MSH6: variants seen among roughly 807,000 people sequenced by gnomAD.
MSH6 encodes the protein DNA mismatch repair protein Msh6.
Under a neutral mutation model 119.1 loss-of-function variants are expected in MSH6, and 85 were observed. The observed-to-expected ratio is 0.71, with a 90% CI of 0.60 to 0.85. The LOEUF (loss-of-function observed/expected upper bound fraction) is 0.85. Among genes scored for constraint, MSH6 ranks in the 40% least tolerant of loss-of-function variants. The pLI, the probability that MSH6 is intolerant of heterozygous loss-of-function variation, is 0.00. For synonymous variants in MSH6, 830 were observed against 586.9 expected (o/e 1.41, Z -5.99); for missense variants, 2,163 against 1,655.3 (o/e 1.31, Z -5.32).
intron 3 of MSH6, among the ~76,000 whole-genome samples, chr2:47,797,522 G>C (rs886569948): frequency 6.6e-6 from 1 of 152,234 alleles, no homozygotes; most frequent in Admixed American, 6.5e-5. Flanking sequence ...ACTAGAACCA[G>C]TATAAGTTGC....
intron 1 of MSH6, among the ~76,000 whole-genome samples, chr2:47,786,107 C>G (rs188284193): frequency 2.6e-5 from 4 of 152,232 alleles, no homozygotes; most frequent in Non-Finnish European, 5.9e-5. Context: ...AGGCTAGGCT[C>G]TCAGCTCTGT....
At chr2:47,805,782 A>G in intron 7 of MSH6, 75 bp downstream of exon 7, 1 of 1,149,562 alleles carries the variant, frequency 8.7e-7, no homozygotes, top group Non-Finnish European at 1.3e-6. Context: ...TTTATAGAAG[A>G]TTATCTGAAG....
downstream of MSH6, chr2:47,809,958 T>C: frequency 2.0e-6 from 1 of 501,968 alleles, no homozygotes; most frequent in Non-Finnish European, 3.5e-6. Flanking sequence ...GATACTTGGA[T>C]TTCATTTGCA....
At chr2:47,786,234 T>C (rs1668338092) in intron 1 of MSH6, among the ~76,000 whole-genome samples, 1 of 152,008 alleles carries the variant, frequency 6.6e-6, no homozygotes, top group South Asian at 2.1e-4. Flanking sequence ...GGAGGGAGCA[T>C]TGGAGAAGTT....
chr2:47,789,395 G>A, intron 1 of MSH6: 1 of 455,984 alleles, frequency 2.2e-6, no homozygotes, highest in Non-Finnish European at 4.5e-6. Context: ...GTTGGATCCA[G>A]CTTTTCACAC....
intron 2 of MSH6, among the ~76,000 whole-genome samples, chr2:47,795,436 G>A (rs1026110659): frequency 6.7e-6 from 1 of 150,208 alleles, no homozygotes; most frequent in African/African-American, 2.4e-5. Flanking sequence ...GTGTGTGTGT[G>A]TGTGTGTGTG....
At chr2:47,785,115 C>T (rs1263328917) in intron 1 of MSH6, 1 of 152,080 alleles carries the variant, frequency 6.6e-6, no homozygotes, top group Admixed American at 6.6e-5. Flanking sequence ...AACCACCGAG[C>T]CCGGCCGTTT....
chr2:47,801,791 G>T (rs556690583), intron 4 of MSH6, among the ~76,000 whole-genome samples: 1 of 152,078 alleles, frequency 6.6e-6, no homozygotes, highest in African/African-American at 2.4e-5. Context: ...GGTAAGCACC[G>T]GCGTGCCCTG....
chr2:47,803,698 TAA>T lies in MSH6; in HGVS notation c.3438+15_3438+16del, dbSNP rs1396782652. The T allele has an allele frequency of 1.2e-6, 2 of 1,613,688 alleles. No individual in the cohort carries two copies. Among genetic ancestry groups the T allele is most frequent in the Non-Finnish European group, 1.7e-6 (2 of 1,179,918 alleles). On this transcript the variant is annotated intron_variant, in intron 5 of 9. Transcript: ENST00000234420. ...GCTTATGAGACAGGTAACTGATTCT[TAA>T]AGTTTTGTTATCAGAAAGTCATTTG...
chr2:47,793,748 T>A (rs561124792), intron 2 of MSH6, among the ~76,000 whole-genome samples: 2 of 152,020 alleles, frequency 1.3e-5, no homozygotes, highest in East Asian at 3.9e-4. Context: ...TTTTTTTTTT[T>A]GCAGCGGAGT....
At chr2:47,786,534 A>G (rs948420178) in intron 1 of MSH6, among the ~76,000 whole-genome samples, 3 of 151,518 alleles carry the variant, frequency 2.0e-5, no homozygotes, top group African/African-American at 7.3e-5. Flanking sequence ...GGGTTTCACC[A>G]TGTTGGTCAG....
rs752540976 is a variant in MSH6, at chr2:47,798,826, A to AAC, written c.843_844insAC (p.Val282ThrfsTer10). 6.2e-7 allele frequency: 1 copy of AAC among 1,614,142 alleles called. No individual in the cohort carries two copies. Among genetic ancestry groups the AAC allele is most frequent in the Non-Finnish European group, 8.5e-7 (1 of 1,180,028 alleles). On this transcript the variant is annotated frameshift_variant, in exon 4 of 10. Transcript: ENST00000234420. LOFTEE classifies it high-confidence loss of function. ...GAAGCAGTGATGAAATAAGCAGTGG[A>AAC]GTGGGGGATAGTGAGAGTGAAGGCC...
At chr2:47,792,313 C>T (rs1329141406) in intron 2 of MSH6, among the ~76,000 whole-genome samples, 1 of 151,932 alleles carries the variant, frequency 6.6e-6, no homozygotes, top group Non-Finnish European at 1.5e-5. Flanking sequence ...GGTCAGTTTC[C>T]CAGGTAACTG....
At position 47,800,372 on chromosome 2, in the gene MSH6, G is replaced by A. The variant is rs2104404139; in HGVS notation, c.2389G>A (p.Asp797Asn). ...AINDRLDAIEDLMVVPDKISE... is the reference protein window; with the variant it reads ...AINDRLDAIENLMVVPDKISE... Reference sequence around the variant, plus strand: ...TAATGATCGTCTAGATGCCATAGAAGACCTCATGGTTGTGCCTGACAAAAT... The same window carrying A: ...TAATGATCGTCTAGATGCCATAGAAAACCTCATGGTTGTGCCTGACAAAAT... The change falls in exon 4 of 10, where the codon GAC (aspartate) becomes AAC (asparagine). Residue 797 changes from aspartate (D) to asparagine (N), a missense_variant. Coordinates refer to ENST00000234420, the MANE Select transcript of MSH6 (RefSeq NM_000179.3). 1 of 1,614,050 alleles carries A rather than the reference G, an allele frequency of 6.2e-7. No homozygotes were observed. Among genetic ancestry groups the A allele is most frequent in the Non-Finnish European group, 8.5e-7 (1 of 1,180,024 alleles).
Position 47,799,778 on chromosome 2 carries a change from G to A in MSH6, c.1795G>A (p.Gly599Arg), listed in dbSNP as rs756043669. The change falls in exon 4 of 10, where the codon GGA becomes AGA. Residue 599 changes from glycine (G) to arginine (R), a missense_variant. Coordinates refer to ENST00000234420, the MANE Select transcript of MSH6 (RefSeq NM_000179.3). ...CCCAGTACAAGTTTTATTTGAAAAA[G>A]GAAATCTCTCAAAGGAAACTAAAAC... ...YPPVQVLFEK[G>R]NLSKETKTIL... 1 of 1,614,124 alleles carries A rather than the reference G, an allele frequency of 6.2e-7. No individual in the cohort carries two copies. Among genetic ancestry groups the A allele is most frequent in the South Asian group, 1.1e-5 (1 of 91,074 alleles).
At position 47,799,935 on chromosome 2, in the gene MSH6, T is replaced by C. The variant is rs144823143; in HGVS notation, c.1952T>C (p.Ile651Thr). 12 of 1,614,074 alleles carry C rather than the reference T, an allele frequency of 7.4e-6. No individual in the cohort carries two copies. Among genetic ancestry groups the C allele is most frequent in the East Asian group, 2.2e-5 (1 of 44,896 alleles). ...TTTAGGGAAAAGCTAAGTGATGGCA[T>C]TGGGGTGATGTTACCCCAGGTGCTT... is the stretch of plus-strand genomic sequence containing the variant. ...EYFREKLSDGIGVMLPQVLKG... is the reference protein window; with the variant it reads ...EYFREKLSDGTGVMLPQVLKG... Residue 651 changes from isoleucine to threonine, a missense_variant, in exon 4 of 10, where the codon ATT (isoleucine) becomes ACT (threonine). By Grantham distance (89) the Ile-to-Thr change is moderately conservative. Coordinates refer to ENST00000234420, the MANE Select transcript of MSH6 (RefSeq NM_000179.3).
downstream of MSH6, chr2:47,809,115 T>A (rs1424947019): frequency 8.1e-7 from 1 of 1,239,230 alleles, no homozygotes; most frequent in East Asian, 2.4e-5. Context: ...AAAAAGGAAA[T>A]CAGTCTTCCT....
At position 47,799,495 on chromosome 2, in the gene MSH6, G is replaced by C. The variant is rs2104348639; in HGVS notation, c.1512G>C (p.Lys504Asn). Residue 504 changes from lysine to asparagine, a missense_variant, in exon 4 of 10, where the codon AAG (lysine) becomes AAC (asparagine). Transcript: ENST00000234420. ...GTAGAAAGATGGCACATATATCCAA[G>C]TATGATAGAGTGGTGAGGAGGGAGA... ...ARCRKMAHISKYDRVVRREIC... is the reference protein window; with the variant it reads ...ARCRKMAHISNYDRVVRREIC... The C allele has an allele frequency of 6.2e-7, 1 of 1,614,148 alleles. No homozygotes were observed. Among genetic ancestry groups the C allele is most frequent in the South Asian group, 1.1e-5 (1 of 91,082 alleles).
intron 3 of MSH6, among the ~76,000 whole-genome samples, chr2:47,797,359 A>T (rs956244677): frequency 6.6e-6 from 1 of 152,218 alleles, no homozygotes; most frequent in Non-Finnish European, 1.5e-5. Context: ...TTAAGGTTGA[A>T]ACTAAGGATC....
Sources: gnomAD v4.1 joint callset for allele counts (sites outside exome capture counted in the v4.1 genomes callset) on GRCh38, gnomAD v4.1.1 for gene constraint, MANE v1.5 for transcripts, NCBI Gene and HGNC (gene_info 2026-07-23, HGNC 2026-07-21) for gene names.